The following ATP10A variants were observed in gnomAD, a reference collection of about 807,000 sequenced individuals.
ATP10A encodes phospholipid-transporting ATPase VA.
Under a neutral mutation model 147.8 loss-of-function variants are expected in ATP10A, and 111 were observed. The ratio of observed to expected loss-of-function variants is 0.75; its 90% CI spans 0.64 to 0.88. The LOEUF (loss-of-function observed/expected upper bound fraction) is 0.88. Ranked by LOEUF, ATP10A falls within the 40% of genes least tolerant of loss-of-function variation. The pLI is 0.00. For synonymous variants in ATP10A, 875 were observed against 841.6 expected (o/e 1.04, Z -0.69); for missense variants, 1,927 against 1,959.0 (o/e 0.98, Z 0.31).
intron 2 of ATP10A, among the ~76,000 whole-genome samples, chr15:25,750,656 T>C (rs1263219964): frequency 1.3e-5 from 2 of 152,066 alleles, no homozygotes; most frequent in Non-Finnish European, 2.9e-5. Context: ...CTCTGTAATA[T>C]ATAAGCAAAA....
intron 1 of ATP10A, among the ~76,000 whole-genome samples, chr15:25,809,609 T>C (rs971954015): frequency 6.6e-6 from 1 of 152,214 alleles, no homozygotes; most frequent in African/African-American, 2.4e-5. Flanking sequence ...TTCGTTTTTA[T>C]TCATTTTCCT....
At chr15:25,729,047 C>T (rs1902777177) in intron 3 of ATP10A, among the ~76,000 whole-genome samples, 1 of 152,210 alleles carries the variant, frequency 6.6e-6, no homozygotes, top group Non-Finnish European at 1.5e-5. Flanking sequence ...TCCACAAAGA[C>T]ACACACAAGA....
At chr15:25,807,794 C>CTCCA (rs1555473015) in intron 1 of ATP10A, among the ~76,000 whole-genome samples, 4 of 149,574 alleles carry the variant, frequency 2.7e-5, no homozygotes, top group Non-Finnish European at 5.9e-5. Flanking sequence ...AAGAGTGAAA[C>CTCCA]TCCATCCCCC....
In ATP10A at chr15:25,714,256, G is replaced by T. The variant is rs1458660760; in HGVS notation, c.1777-15C>A. The T allele has an allele frequency of 6.3e-7, 1 of 1,598,308 alleles. No individual in the cohort carries two copies. Among genetic ancestry groups the T allele is most frequent in the South Asian group, 1.1e-5 (1 of 91,060 alleles). On this transcript the variant is annotated splice_polypyrimidine_tract_variant and intron_variant, in intron 9 of 20. Transcript: ENST00000555815. Reference sequence around the variant, plus strand: ...CTCACCCTCACCTGCAAGAGAAATGGTCAGAAGGCAGGTGAGGGAACTGCT... The same window carrying T: ...CTCACCCTCACCTGCAAGAGAAATGTTCAGAAGGCAGGTGAGGGAACTGCT...
intron 1 of ATP10A, among the ~76,000 whole-genome samples, chr15:25,807,735 G>C (rs989377950): frequency 3.9e-5 from 6 of 152,050 alleles, no homozygotes; most frequent in Admixed American, 6.5e-5. Flanking sequence ...CTGGGAGGCA[G>C]AGGTTGCAGT....
At position 25,680,869 on chromosome 15, in the gene ATP10A, T is replaced by C. The variant is rs1041529561; in HGVS notation, c.3619A>G (p.Ile1207Val). ...AAAGTGAGCAGCGCGATTGTCACAA[T>C]AGGGGTCCCCCAGGTAAACAGGTCC... ...NVDLFTWGTP[I>V]VTIALLTFLL... The change falls in exon 19 of 21, where the codon ATT becomes GTT. Residue 1207 changes from isoleucine (I) to valine (V), a missense_variant. By Grantham distance (29) the Ile-to-Val change is conservative (BLOSUM62 3). Coordinates refer to ENST00000555815, the MANE Select transcript of ATP10A (RefSeq NM_024490.4). The C allele has an allele frequency of 6.2e-7, 1 of 1,614,050 alleles. No homozygotes were observed. Among genetic ancestry groups the C allele is most frequent in the Non-Finnish European group, 8.5e-7 (1 of 1,180,022 alleles).
intron 3 of ATP10A, among the ~76,000 whole-genome samples, chr15:25,731,745 A>C (rs1886947428): frequency 6.6e-6 from 1 of 152,214 alleles, no homozygotes; most frequent in African/African-American, 2.4e-5. Flanking sequence ...CCTTCCAAAG[A>C]ATGCAGCCTT....
chr15:25,782,145 T>TAAA (rs1400224817), intron 1 of ATP10A, among the ~76,000 whole-genome samples: 1 of 152,182 alleles, frequency 6.6e-6, no homozygotes, highest in Non-Finnish European at 1.5e-5. Context: ...TTGTGCCAAG[T>TAAA]AAAATGAGCC....
intron 3 of ATP10A, among the ~76,000 whole-genome samples, chr15:25,730,651 C>T (rs1297623837): frequency 6.6e-6 from 1 of 152,104 alleles, no homozygotes; most frequent in Non-Finnish European, 1.5e-5. Context: ...CAGTCGGCTT[C>T]CTAAGTGGGT....
intron 2 of ATP10A, among the ~76,000 whole-genome samples, chr15:25,779,632 C>T (rs1270309200): frequency 6.6e-6 from 1 of 152,286 alleles, no homozygotes; most frequent in South Asian, 2.1e-4. Context: ...ACACCTATCA[C>T]CAAACCCTGG....
At chr15:25,726,200 G>T (rs1170002455) in intron 4 of ATP10A, 118 bp from the exon 5 acceptor site, 2 of 1,175,432 alleles carry the variant, frequency 1.7e-6, no homozygotes, top group Non-Finnish European at 2.3e-6. Flanking sequence ...TGAGAAGCTT[G>T]GTCAAAAAAG....
chr15:25,749,553 G>A (rs1421285236), intron 2 of ATP10A, among the ~76,000 whole-genome samples: 1 of 152,116 alleles, frequency 6.6e-6, no homozygotes, highest in Non-Finnish European at 1.5e-5. Context: ...CTGCAGTCCT[G>A]GGCACAACTC....
At chr15:25,799,303 C>A (rs1049076394) in intron 1 of ATP10A, among the ~76,000 whole-genome samples, 1 of 152,154 alleles carries the variant, frequency 6.6e-6, no homozygotes, top group Non-Finnish European at 1.5e-5. Flanking sequence ...TGTCCAAACG[C>A]AGGTCGGATT....
chr15:25,858,745 G>A (rs1381920516), intron 1 of ATP10A, among the ~76,000 whole-genome samples: 2 of 152,118 alleles, frequency 1.3e-5, no homozygotes. Flanking sequence ...TCAGACCCAA[G>A]CACAGAGCCC....
chr15:25,843,175 C>T (rs1444600546), intron 1 of ATP10A, among the ~76,000 whole-genome samples: 2 of 152,114 alleles, frequency 1.3e-5, no homozygotes, highest in Non-Finnish European at 2.9e-5. Context: ...CTCCCTGGCA[C>T]CAGAGGGCTG....
chr15:25,787,350 A>G (rs1890217952), intron 1 of ATP10A, among the ~76,000 whole-genome samples: 1 of 152,166 alleles, frequency 6.6e-6, no homozygotes, highest in Non-Finnish European at 1.5e-5. Flanking sequence ...ATGGTGACTC[A>G]CATCTGTAAT....
chr15:25,684,257 T>C (rs1212033163), intron 16 of ATP10A, among the ~76,000 whole-genome samples: 2 of 152,218 alleles, frequency 1.3e-5, no homozygotes, highest in Non-Finnish European at 2.9e-5. Flanking sequence ...TTCCTGAATA[T>C]CAGCAGCCTG....
intron 10 of ATP10A, among the ~76,000 whole-genome samples, chr15:25,711,435 A>G (rs1027088708): frequency 2.0e-5 from 3 of 152,120 alleles, no homozygotes; most frequent in Admixed American, 6.5e-5. Context: ...TGATCTGTGC[A>G]TAAGGGCAGG....
At chr15:25,692,968 G>C (rs1900117349) in intron 14 of ATP10A, among the ~76,000 whole-genome samples, 1 of 151,086 alleles carries the variant, frequency 6.6e-6, no homozygotes, top group East Asian at 2.0e-4. Context: ...ACCCAGCCAG[G>C]TTTTGCATTT....
Sources: allele counts gnomAD v4.1 joint callset (sites outside exome capture counted in the v4.1 genomes callset), GRCh38; gene constraint gnomAD v4.1.1; transcripts MANE v1.5; gene names NCBI Gene and HGNC (gene_info 2026-07-23, HGNC 2026-07-21).